The following ATRNL1 variants were observed in gnomAD, a reference collection of about 807,000 sequenced individuals.
ATRNL1 encodes attractin like 1.
Under a neutral mutation model 182.7 loss-of-function variants are expected in ATRNL1, and 95 were observed. The ratio of observed to expected loss-of-function variants is 0.52; its 90% confidence interval spans 0.44 to 0.62. The LOEUF (loss-of-function observed/expected upper bound fraction) is 0.62, where lower values mean the gene tolerates loss of function less well. Among genes scored for constraint, ATRNL1 ranks in the 20% least tolerant of loss-of-function variants. The probability of loss-of-function intolerance (pLI) is 0.00; values close to 1 mark genes in which losing one functional copy is unlikely to be tolerated. For missense variants in ATRNL1, 1,471 were observed against 1,679.5 expected (o/e 0.88, Z 2.17); for synonymous variants, 576 against 568.3 (o/e 1.01, Z -0.19).
intron 26 of ATRNL1, among the ~76,000 whole-genome samples, chr10:115,573,522 C>G (rs144749437): frequency 1.3e-3 from 191 of 152,096 alleles, no homozygotes; most frequent in African/African-American, 4.3e-3. Flanking sequence ...AACAGAAATA[C>G]CTGTTCTCAT....
chr10:115,500,920 C>CTTTTTTTT (rs71010023), intron 24 of ATRNL1, among the ~76,000 whole-genome samples: 18 of 54,462 alleles, frequency 3.3e-4, no homozygotes, highest in Non-Finnish European at 4.8e-4. Flanking sequence ...TCAGGTAAGA[C>CTTTTTTTT]TTTTTTTTTT....
chr10:115,925,837 A>T (rs1259451550), intron 28 of ATRNL1, among the ~76,000 whole-genome samples: 1 of 152,040 alleles, frequency 6.6e-6, no homozygotes, highest in Non-Finnish European at 1.5e-5. Context: ...CACACTTTCA[A>T]TATTAGACGG....
chr10:115,153,548 G>A (rs995204873), intron 5 of ATRNL1, among the ~76,000 whole-genome samples: 18 of 151,960 alleles, frequency 1.2e-4, no homozygotes, highest in Admixed American at 3.3e-4. Flanking sequence ...CTTTGGGATC[G>A]GTGGTGATAT....
chr10:115,819,116 T>C (rs782344143), intron 27 of ATRNL1, among the ~76,000 whole-genome samples: 3 of 152,074 alleles, frequency 2.0e-5, no homozygotes, highest in Non-Finnish European at 4.4e-5. Context: ...CCACCTGTTC[T>C]CTACAGATAA....
intron 28 of ATRNL1, among the ~76,000 whole-genome samples, chr10:115,853,039 GTCTTCTATTT>G (rs1185970114): frequency 2.0e-5 from 3 of 152,090 alleles, no homozygotes; most frequent in African/African-American, 7.2e-5. Flanking sequence ...CAGTCTCTGG[GTCTTCTATTT>G]TCCCATGTGA....
chr10:115,765,380 A>G (rs941343728), intron 27 of ATRNL1, among the ~76,000 whole-genome samples: 2 of 152,176 alleles, frequency 1.3e-5, no homozygotes, highest in African/African-American at 4.8e-5. Context: ...GTGAAATAGT[A>G]TCTCATTGCT....
At chr10:115,840,136 G>A (rs1221886259) in intron 27 of ATRNL1, among the ~76,000 whole-genome samples, 1 of 152,128 alleles carries the variant, frequency 6.6e-6, no homozygotes, top group Admixed American at 6.6e-5. Flanking sequence ...CAGATTCCTT[G>A]ATAACAGCAG....
At chr10:115,554,452 A>G (rs1194275190) in intron 26 of ATRNL1, among the ~76,000 whole-genome samples, 1 of 151,640 alleles carries the variant, frequency 6.6e-6, no homozygotes, top group African/African-American at 2.4e-5. Context: ...CCTGTTTCCA[A>G]AGACTTCATG....
intron 28 of ATRNL1, among the ~76,000 whole-genome samples, chr10:115,908,344 G>A (rs374332423): frequency 6.6e-6 from 1 of 152,086 alleles, no homozygotes; most frequent in Non-Finnish European, 1.5e-5. Context: ...CTCTGGGAAA[G>A]AATCTGTTTC....
intron 25 of ATRNL1, among the ~76,000 whole-genome samples, chr10:115,540,002 C>CT (rs1287577391): frequency 1.3e-5 from 2 of 150,038 alleles, no homozygotes; most frequent in Non-Finnish European, 3.0e-5. Context: ...AGGGGGAGGG[C>CT]TAGCATTAGG....
intron 19 of ATRNL1, among the ~76,000 whole-genome samples, chr10:115,361,402 G>A (rs891848554): frequency 6.6e-6 from 1 of 151,954 alleles, no homozygotes; most frequent in Admixed American, 6.6e-5. Flanking sequence ...CATAACTGTG[G>A]AAGCTAGCAT....
At chr10:115,402,418 G>A (rs1051015834) in intron 20 of ATRNL1, among the ~76,000 whole-genome samples, 18 of 152,204 alleles carry the variant, frequency 1.2e-4, no homozygotes, top group African/African-American at 4.3e-4. Context: ...TGGAAATAAT[G>A]AATTGTTACT....
At chr10:115,241,937 G>A (rs1217422133) in intron 10 of ATRNL1, among the ~76,000 whole-genome samples, 2 of 151,888 alleles carry the variant, frequency 1.3e-5, no homozygotes, top group African/African-American at 4.8e-5. Context: ...GTAGATACAG[G>A]GAATACAAAA....
chr10:115,845,620 C>A (rs190583808), intron 27 of ATRNL1, among the ~76,000 whole-genome samples: 1 of 152,022 alleles, frequency 6.6e-6, no homozygotes, highest in East Asian at 1.9e-4. Context: ...TCGTTTTTCT[C>A]AATCTCCTAA....
chr10:115,870,216 G>T (rs1414468786), intron 28 of ATRNL1, among the ~76,000 whole-genome samples: 4 of 152,066 alleles, frequency 2.6e-5, no homozygotes, highest in African/African-American at 9.7e-5. Flanking sequence ...ATGGTAAATG[G>T]CCATACTCTC....
intron 27 of ATRNL1, among the ~76,000 whole-genome samples, chr10:115,813,183 T>C (rs563642601): frequency 2.6e-5 from 4 of 152,160 alleles, no homozygotes; most frequent in African/African-American, 7.2e-5. Context: ...TGTATACATA[T>C]GTAACAAACC....
At chr10:115,603,528 T>C (rs1856722313) in intron 26 of ATRNL1, among the ~76,000 whole-genome samples, 1 of 152,216 alleles carries the variant, frequency 6.6e-6, no homozygotes, top group African/African-American at 2.4e-5. Flanking sequence ...TATTATTATA[T>C]CACAACAGTC....
At chr10:115,230,870 TGAGAGAGAGAGA>T (rs1169884107) in intron 9 of ATRNL1, among the ~76,000 whole-genome samples, 3,841 of 83,740 alleles carry the variant, frequency 0.046, 61 homozygotes, top group African/African-American at 0.066. Flanking sequence ...ATAGAGTGGA[TGAGAGAGAGAGA>T]GAGAGAGAGA....
chr10:115,807,846 T>C (rs890910994), intron 27 of ATRNL1, among the ~76,000 whole-genome samples: 1 of 152,212 alleles, frequency 6.6e-6, no homozygotes, highest in African/African-American at 2.4e-5. Flanking sequence ...AAATAGCTTC[T>C]TGTTCTTTAT....
Sources: allele counts gnomAD v4.1 joint callset (sites outside exome capture counted in the v4.1 genomes callset), GRCh38; gene constraint gnomAD v4.1.1; transcripts MANE v1.5; gene names NCBI Gene and HGNC (gene_info 2026-07-23, HGNC 2026-07-21).